Variants in ALMS1 observed in about 807,000 individuals in gnomAD.
ALMS1 encodes the protein ALMS1 centrosome and basal body associated protein.
ALMS1 carries 271 observed loss-of-function variants against 352.2 expected under a neutral mutation model. The ratio of observed to expected loss-of-function variants is 0.77; its 90% CI spans 0.70 to 0.85. ALMS1 has a LOEUF of 0.85. Among genes scored for constraint, ALMS1 ranks in the 40% least tolerant of loss-of-function variants. ALMS1 has a pLI of 0.00. For synonymous variants in ALMS1, 1,865 were observed against 1,761.2 expected (o/e 1.06, Z -1.48); for missense variants, 5,445 against 4,870.7 (o/e 1.12, Z -3.51).
intron 12 of ALMS1, among the ~76,000 whole-genome samples, chr2:73,546,669 G>A (rs1460926246): frequency 6.6e-6 from 1 of 152,206 alleles, no homozygotes; most frequent in Non-Finnish European, 1.5e-5. Flanking sequence ...AAACTTTTGA[G>A]CTGAACTCTA....
chr2:73,571,523 A>G (rs1388891744), intron 15 of ALMS1, among the ~76,000 whole-genome samples: 1 of 152,168 alleles, frequency 6.6e-6, no homozygotes, highest in Non-Finnish European at 1.5e-5. Flanking sequence ...GCCAAAGGGC[A>G]CTAATCCCAT....
intron 21 of ALMS1, among the ~76,000 whole-genome samples, chr2:73,604,362 C>T (rs556417420): frequency 1.3e-4 from 20 of 152,242 alleles, no homozygotes; most frequent in African/African-American, 4.1e-4. Flanking sequence ...CACACCATTA[C>T]GCTCCGGCCT....
At chr2:73,399,918 T>C (rs144177139) in intron 1 of ALMS1, among the ~76,000 whole-genome samples, 4,735 of 151,244 alleles carry the variant, frequency 0.031, 203 homozygotes, top group Admixed American at 0.089. Flanking sequence ...CTTGTCAACA[T>C]GATGGATTAT....
chr2:73,497,856 G>A (rs901639242), intron 10 of ALMS1, among the ~76,000 whole-genome samples: 2 of 152,036 alleles, frequency 1.3e-5, no homozygotes, highest in Non-Finnish European at 2.9e-5. Flanking sequence ...GTGTGTGCAC[G>A]TGTCTTTTTA....
At chr2:73,418,931 G>T (rs951126469) in intron 2 of ALMS1, among the ~76,000 whole-genome samples, 192 bp from the exon 3 acceptor site, 1 of 152,150 alleles carries the variant, frequency 6.6e-6, no homozygotes. Context: ...AAAAAAAGAT[G>T]TGTAGTAATG....
intron 9 of ALMS1, among the ~76,000 whole-genome samples, chr2:73,474,872 T>G (rs1195935898): frequency 6.6e-6 from 1 of 152,138 alleles, no homozygotes; most frequent in Non-Finnish European, 1.5e-5. Flanking sequence ...AATAGCATAA[T>G]TTTAGAACTT....
In ALMS1 at chr2:73,448,839, GTA is replaced by G. The variant is rs2103774725; in HGVS notation, c.2314_2315del (p.Ile772PhefsTer13). On this transcript the variant is annotated frameshift_variant, in exon 8 of 23. Coordinates refer to ENST00000613296, the MANE Select transcript of ALMS1 (RefSeq NM_001378454.1). LOFTEE classifies it high-confidence loss of function. ...TCTTACTCACAAAGAGAAAAGCCTA[GTA>G]TTTTGTACCCACAGGACTTAGCAGA... is the stretch of plus-strand genomic sequence containing the variant. The G allele has an allele frequency of 6.2e-7, 1 of 1,613,796 alleles. No homozygotes were observed. Among genetic ancestry groups the G allele is most frequent in the Middle Eastern group, 1.7e-4 (1 of 6,060 alleles).
chr2:73,407,942 G>A (rs773984240), intron 1 of ALMS1, among the ~76,000 whole-genome samples: 29 of 152,196 alleles, frequency 1.9e-4, no homozygotes, highest in South Asian at 1.5e-3. Flanking sequence ...TTTAGTAAGA[G>A]GGTTATTTTT....
At chr2:73,473,253 G>GT (rs11447858) in intron 9 of ALMS1, among the ~76,000 whole-genome samples, 85,964 of 151,394 alleles carry the variant, frequency 0.57, 25,779 homozygotes, top group East Asian at 0.77. Context: ...GACTGGGAGT[G>GT]TTTTTTTTCT....
At chr2:73,488,863 A>T (rs149221453) in intron 9 of ALMS1, among the ~76,000 whole-genome samples, 1 of 152,210 alleles carries the variant, frequency 6.6e-6, no homozygotes, top group African/African-American at 2.4e-5. Flanking sequence ...TACTGATCCT[A>T]TGCGCCAGGA....
chr2:73,546,229 CTG>C (rs1674317018), intron 12 of ALMS1, among the ~76,000 whole-genome samples: 1 of 152,118 alleles, frequency 6.6e-6, no homozygotes, highest in Non-Finnish European at 1.5e-5. Flanking sequence ...AGTAATGAGA[CTG>C]TATATGGTAT....
At chr2:73,549,029 A>T (rs912330774) in intron 12 of ALMS1, among the ~76,000 whole-genome samples, 5 of 152,056 alleles carry the variant, frequency 3.3e-5, no homozygotes, top group Admixed American at 2.0e-4. Context: ...GTCCTGCAAA[A>T]CTCTTCAGGG....
At chr2:73,552,192 T>C (rs1303032905) in intron 13 of ALMS1, among the ~76,000 whole-genome samples, 3 of 152,242 alleles carry the variant, frequency 2.0e-5, no homozygotes, top group Non-Finnish European at 4.4e-5. Context: ...CTCCTAAAGC[T>C]ATCCCTCCAT....
chr2:73,601,580 C>T lies in ALMS1; in HGVS notation c.12114+144C>T, dbSNP rs150405590. 600 of 1,322,404 alleles carry T rather than the reference C, an allele frequency of 4.5e-4. 1 individual carries two copies. In the African/African-American group the frequency reaches 5.1e-3, roughly 11 times the overall value. 81.9% of individuals were successfully genotyped at this position (1,322,404 alleles called of 1,614,324 possible). ...CACCTCCGCAGTTCACCTGTTTTCA[C>T]GCACGAGGGTTGGGTTTCTCATCAT... On this transcript the variant is annotated intron_variant, in intron 19 of 22. Coordinates refer to ENST00000613296, the MANE Select transcript of ALMS1 (RefSeq NM_001378454.1).
intron 16 of ALMS1, among the ~76,000 whole-genome samples, chr2:73,593,696 A>G (rs1573047676): frequency 6.6e-6 from 1 of 152,180 alleles, no homozygotes; most frequent in Admixed American, 6.5e-5. Context: ...AATATTTTAA[A>G]CACCCTCCAA....
At chr2:73,481,044 G>T (rs1256466608) in intron 9 of ALMS1, among the ~76,000 whole-genome samples, 6 of 151,386 alleles carry the variant, frequency 4.0e-5, no homozygotes, top group Admixed American at 1.3e-4. Flanking sequence ...CACTCTGATG[G>T]TAGTTTCTTT....
intron 21 of ALMS1, among the ~76,000 whole-genome samples, chr2:73,607,898 G>T (rs866473319): frequency 6.7e-6 from 1 of 149,436 alleles, no homozygotes; most frequent in Non-Finnish European, 1.5e-5. Context: ...TCCTGACCTC[G>T]TGATCCACCC....
intron 1 of ALMS1, among the ~76,000 whole-genome samples, chr2:73,399,391 T>C (rs1670827053): frequency 6.6e-6 from 1 of 151,864 alleles, no homozygotes; most frequent in South Asian, 2.1e-4. Flanking sequence ...TTCTGCAGAG[T>C]ATGAGAAGCT....
At chr2:73,428,204 T>C (rs1671418302) in intron 6 of ALMS1, among the ~76,000 whole-genome samples, 1 of 152,236 alleles carries the variant, frequency 6.6e-6, no homozygotes, top group South Asian at 2.1e-4. Context: ...GTTTTTGTCC[T>C]CTGTCAATCC....
Sources: gnomAD v4.1 joint callset for allele counts (sites outside exome capture counted in the v4.1 genomes callset) on GRCh38, gnomAD v4.1.1 for gene constraint, MANE v1.5 for transcripts, NCBI Gene and HGNC (gene_info 2026-07-23, HGNC 2026-07-21) for gene names.